Variants in LHFPL6 observed in about 807,000 individuals in gnomAD.
The protein encoded by LHFPL6 is LHFPL tetraspan subfamily member 6.
LHFPL6 carries 9 observed loss-of-function variants against 20.6 expected under a neutral mutation model. That is an observed-to-expected ratio of 0.44 (90% CI 0.26 to 0.76). LHFPL6 has a LOEUF of 0.76. Among genes scored for constraint, LHFPL6 ranks in the 30% least tolerant of loss-of-function variants. The probability of loss-of-function intolerance (pLI) is 0.20; values close to 1 mark genes in which losing one functional copy is unlikely to be tolerated. For missense variants in LHFPL6, 218 were observed against 253.5 expected (o/e 0.86, Z 0.95); for synonymous variants, 105 against 98.7 (o/e 1.06, Z -0.38).
intron 2 of LHFPL6, among the ~76,000 whole-genome samples, chr13:39,453,057 T>G (rs1016900992): frequency 1.1e-4 from 17 of 152,144 alleles, no homozygotes; most frequent in South Asian, 2.1e-4. Flanking sequence ...TATGAACACT[T>G]GAGATAGAGA....
intron 2 of LHFPL6, among the ~76,000 whole-genome samples, chr13:39,559,626 G>A (rs1272788568): frequency 6.6e-6 from 1 of 152,146 alleles, no homozygotes; most frequent in African/African-American, 2.4e-5. Context: ...CAGGCAGTGG[G>A]AAACCAAAGA....
intron 3 of LHFPL6, among the ~76,000 whole-genome samples, chr13:39,361,322 A>AT (rs146825087): frequency 0.29 from 11,935 of 41,086 alleles, 4,353 homozygotes; most frequent in East Asian, 0.71. Flanking sequence ...AATTTTTTTT[A>AT]TTTTTTTTTA....
At chr13:39,537,400 A>G (rs1201752429) in intron 2 of LHFPL6, among the ~76,000 whole-genome samples, 1 of 152,250 alleles carries the variant, frequency 6.6e-6, no homozygotes. Context: ...AGAAGGTCAC[A>G]GGTCCCAGCA....
intron 2 of LHFPL6, among the ~76,000 whole-genome samples, chr13:39,446,903 G>A (rs1303312665): frequency 6.6e-6 from 1 of 152,294 alleles, no homozygotes; most frequent in East Asian, 1.9e-4. Context: ...AATAAGGAGT[G>A]TAATCAATGA....
At chr13:39,506,883 T>C (rs1458840793) in intron 2 of LHFPL6, among the ~76,000 whole-genome samples, 1 of 152,242 alleles carries the variant, frequency 6.6e-6, no homozygotes, top group Non-Finnish European at 1.5e-5. Flanking sequence ...TATTAAATTC[T>C]GATTTCTATT....
At chr13:39,429,654 TA>T (rs1283085001) in intron 2 of LHFPL6, among the ~76,000 whole-genome samples, 1 of 152,200 alleles carries the variant, frequency 6.6e-6, no homozygotes, top group Non-Finnish European at 1.5e-5. Flanking sequence ...TTATTGCTAC[TA>T]TTTTTTCTAA....
At chr13:39,510,376 T>G (rs1182858577) in intron 2 of LHFPL6, among the ~76,000 whole-genome samples, 1 of 152,244 alleles carries the variant, frequency 6.6e-6, no homozygotes, top group East Asian at 1.9e-4. Flanking sequence ...ACTTTTGCCC[T>G]GGGGCAAACT....
At chr13:39,410,681 T>C (rs1299508274) in intron 2 of LHFPL6, among the ~76,000 whole-genome samples, 1 of 152,172 alleles carries the variant, frequency 6.6e-6, no homozygotes, top group East Asian at 1.9e-4. Context: ...CAGCTCCTTA[T>C]TGCACAATCC....
chr13:39,426,054 T>A (rs1466941387), intron 2 of LHFPL6, among the ~76,000 whole-genome samples: 1 of 152,174 alleles, frequency 6.6e-6, no homozygotes, highest in African/African-American at 2.4e-5. Flanking sequence ...TGTGTACAAG[T>A]GAATGGCATT....
At chr13:39,385,589 CAT>C (rs1566099447) in intron 2 of LHFPL6, among the ~76,000 whole-genome samples, 14 of 152,240 alleles carry the variant, frequency 9.2e-5, no homozygotes, top group Admixed American at 7.2e-4. Flanking sequence ...GAAATATCAG[CAT>C]GATACTAATT....
intron 2 of LHFPL6, among the ~76,000 whole-genome samples, chr13:39,438,848 T>C (rs1215963654): frequency 6.6e-6 from 1 of 152,194 alleles, no homozygotes; most frequent in Non-Finnish European, 1.5e-5. Flanking sequence ...GGCCTCTACC[T>C]AGATTTCAGA....
chr13:39,455,791 CTTG>C (rs1224734669), intron 2 of LHFPL6, among the ~76,000 whole-genome samples: 2 of 152,166 alleles, frequency 1.3e-5, no homozygotes, highest in African/African-American at 4.8e-5. Flanking sequence ...GAGAAAGGAA[CTTG>C]TTTTTTCTAA....
At chr13:39,546,336 T>C (rs1367444070) in intron 2 of LHFPL6, among the ~76,000 whole-genome samples, 1 of 152,134 alleles carries the variant, frequency 6.6e-6, no homozygotes, top group Non-Finnish European at 1.5e-5. Context: ...AAAATGTAGA[T>C]TCCTGGGCAA....
chr13:39,454,065 T>C (rs1872513459), intron 2 of LHFPL6, among the ~76,000 whole-genome samples: 1 of 152,192 alleles, frequency 6.6e-6, no homozygotes, highest in Non-Finnish European at 1.5e-5. Context: ...TCCAACCCAG[T>C]TTCCCTTCAT....
intron 2 of LHFPL6, among the ~76,000 whole-genome samples, chr13:39,385,400 T>C (rs1002917433): frequency 6.6e-6 from 1 of 152,244 alleles, no homozygotes; most frequent in Admixed American, 6.5e-5. Context: ...GAGGAGCCAG[T>C]GGGAATGGAA....
At chr13:39,373,266 C>T (rs143317324) in intron 3 of LHFPL6, among the ~76,000 whole-genome samples, 57 of 152,328 alleles carry the variant, frequency 3.7e-4, no homozygotes, top group Non-Finnish European at 7.6e-4. Context: ...GACTGCTCCA[C>T]AGACTGGTTT....
At chr13:39,504,423 G>A (rs1393055602) in intron 2 of LHFPL6, among the ~76,000 whole-genome samples, 1 of 152,126 alleles carries the variant, frequency 6.6e-6, no homozygotes, top group African/African-American at 2.4e-5. Flanking sequence ...TAGTTTACTA[G>A]AGCTCACATA....
intron 2 of LHFPL6, among the ~76,000 whole-genome samples, chr13:39,386,002 T>C (rs1870554608): frequency 6.6e-6 from 1 of 152,202 alleles, no homozygotes; most frequent in Non-Finnish European, 1.5e-5. Context: ...GTCACACCAG[T>C]GTTTCCCATC....
At chr13:39,356,215 T>C (rs541336857) in intron 3 of LHFPL6, among the ~76,000 whole-genome samples, 2 of 152,312 alleles carry the variant, frequency 1.3e-5, no homozygotes, top group African/African-American at 4.8e-5. Context: ...ATTGATACCA[T>C]GAAGATCTCT....
Sources: gnomAD v4.1 joint callset for allele counts (sites outside exome capture counted in the v4.1 genomes callset) on GRCh38, gnomAD v4.1.1 for gene constraint, MANE v1.5 for transcripts, NCBI Gene and HGNC (gene_info 2026-07-23, HGNC 2026-07-21) for gene names.